CYB5R2: variants seen among roughly 807,000 people sequenced by gnomAD.
CYB5R2 encodes NADH-cytochrome b5 reductase 2.
A neutral mutation model predicts 29.8 loss-of-function variants in CYB5R2; 35 were observed. That is an observed-to-expected ratio of 1.17 (90% CI 0.90 to 1.56). The LOEUF (loss-of-function observed/expected upper bound fraction) is 1.56. CYB5R2 is among the 40% of genes most tolerant of loss of function. CYB5R2 has a pLI of 0.00. For synonymous variants in CYB5R2, 169 were observed against 130.6 expected (o/e 1.29, Z -2.01); for missense variants, 419 against 346.7 (o/e 1.21, Z -1.66).
intron 1 of CYB5R2, 154 bp from the exon 2 acceptor site, chr11:7,673,045 G>C: frequency 1.4e-6 from 1 of 717,422 alleles, no homozygotes; most frequent in Non-Finnish European, 2.2e-6. Context: ...CACAGAAGGC[G>C]GCTGGGAGAG....
chr11:7,671,256 G>A (rs559193278), intron 3 of CYB5R2: 1 of 152,400 alleles, frequency 6.6e-6, no homozygotes, highest in South Asian at 2.1e-4. Flanking sequence ...CTGGCCTGAG[G>A]GTGTCCCCAG....
chr11:7,674,101 C>G (rs939175078), upstream of CYB5R2: 7 of 1,204,370 alleles, frequency 5.8e-6, no homozygotes, highest in African/African-American at 1.1e-4. Flanking sequence ...ACTGAGCGCC[C>G]CTCAGCTTAC....
chr11:7,668,387 C>T lies in CYB5R2; in HGVS notation c.472+91G>A, dbSNP rs931280639. 17 of 1,017,894 alleles carry T rather than the reference C, an allele frequency of 1.7e-5. No homozygotes were observed. The Admixed American group carries it at 2.0e-4, about 12-fold the overall frequency. The allele number at this position is 1,017,894 out of a possible 1,614,324, so 63.1% of individuals were successfully genotyped here. ...CCTTCTACAGCTGGAGGCGAAATCT[C>T]TCATGTTGTCCCTTAGAGGATCAAA... On this transcript the variant is annotated intron_variant, in intron 6 of 8. Transcript: ENST00000299498.
intron 5 of CYB5R2, 179 bp from the exon 6 acceptor site, chr11:7,668,740 A>G: frequency 1.6e-6 from 1 of 643,274 alleles, no homozygotes; most frequent in Admixed American, 2.4e-5. Context: ...GCTCCAGTGC[A>G]CAAAGTGGGA....
At position 7,665,305 on chromosome 11, in the gene CYB5R2, G is replaced by C. The variant is rs193006000; in HGVS notation, c.*69C>G. 7.7e-7 allele frequency: 1 copy of C among 1,291,460 alleles called. No homozygotes were observed. The highest frequency in any genetic ancestry group is 1.5e-5 in the African/African-American group (1 of 67,280). 80.0% of individuals were successfully genotyped at this position (1,291,460 alleles called of 1,614,324 possible). A position where few individuals can be genotyped will look rare whatever the true frequency, so the allele number is the denominator to read the frequency against. On this transcript the variant is annotated 3_prime_UTR_variant, in exon 9 of 9. Transcript: ENST00000299498. ...ACTTTTGAAAACATCCCAGTTTACCGTGGTGAAATTGAACTTACTCTGAAA... is the reference window on the plus strand; with the variant it reads ...ACTTTTGAAAACATCCCAGTTTACCCTGGTGAAATTGAACTTACTCTGAAA...
At chr11:7,669,027 A>G in intron 5 of CYB5R2, 178 bp downstream of exon 5, 1 of 794,260 alleles carries the variant, frequency 1.3e-6, no homozygotes, top group Non-Finnish European at 2.2e-6. Flanking sequence ...AAAGCTGACA[A>G]CCTCATGAAG....
In CYB5R2 at chr11:7,669,616, A is replaced by C. The variant is rs762837259; in HGVS notation, c.258+9T>G. 6.4e-7 allele frequency: 1 copy of C among 1,572,302 alleles called. No homozygotes were observed. Among genetic ancestry groups the C allele is most frequent in the Admixed American group, 1.8e-5 (1 of 54,568 alleles). Reference sequence around the variant, plus strand: ...CACGAGCTAGCCAGATATGGTGGGCACTATTTACCTTTATAATTAGGTCCA... The same window carrying C: ...CACGAGCTAGCCAGATATGGTGGGCCCTATTTACCTTTATAATTAGGTCCA... On this transcript the variant is annotated intron_variant, in intron 4 of 8. Coordinates refer to ENST00000299498, the MANE Select transcript of CYB5R2 (RefSeq NM_016229.5).
At chr11:7,666,144 A>G (rs567913661) in intron 8 of CYB5R2, 5 of 603,700 alleles carry the variant, frequency 8.3e-6, no homozygotes, top group East Asian at 2.8e-5. Context: ...TTAGATGTGT[A>G]TGTGATGGCT....
At chr11:7,671,124 G>A (rs890592371) in intron 3 of CYB5R2, 1 of 152,280 alleles carries the variant, frequency 6.6e-6, no homozygotes, top group African/African-American at 2.4e-5. Context: ...CAGGCTCAAT[G>A]ACTCTGGTCA....
chr11:7,672,959 C>T (rs1206349247), intron 1 of CYB5R2, 68 bp from the exon 2 acceptor site: 2 of 1,455,284 alleles, frequency 1.4e-6, no homozygotes, highest in African/African-American at 2.8e-5. Flanking sequence ...CTCTCAGGCG[C>T]AGAACACCCT....
Position 7,669,333 on chromosome 11 carries a change from A to G in CYB5R2, c.260T>C (p.Ile87Thr), listed in dbSNP as rs1190950616. The G allele has an allele frequency of 6.2e-7, 1 of 1,609,566 alleles. No homozygotes were observed. Among genetic ancestry groups the G allele is most frequent in the Non-Finnish European group, 8.5e-7 (1 of 1,177,446 alleles). Residue 87 changes from isoleucine to threonine, a missense_variant and splice_region_variant, in exon 5 of 9, where the codon ATC becomes ACC. Transcript: ENST00000299498. ...DRGFVDLIIKIYFKNVHPQYP... is the reference protein window; with the variant it reads ...DRGFVDLIIKTYFKNVHPQYP... ...TTGGGGGTGTACATTTTTGAAGTAG[A>G]TCTGAAAAGCAAGGCAGCACTGCTT...
chr11:7,665,756 G>A, intron 8 of CYB5R2: 1 of 1,357,086 alleles, frequency 7.4e-7, no homozygotes, highest in Non-Finnish European at 1.0e-6. Context: ...CTCACTGCAG[G>A]GACCCTGAAG....
In CYB5R2 at chr11:7,669,290, C is replaced by T. The variant is rs745507305; in HGVS notation, c.303G>A (p.Lys101=). 1.9e-6 allele frequency: 3 copies of T among 1,614,160 alleles called. No homozygotes were observed. The change falls in exon 5 of 9, where the codon AAG becomes AAA. Residue 101 remains lysine, a synonymous_variant. Transcript: ENST00000299498. ...TCATGTTCTCCAAATACTGAGTCAT[C>T]TTCCCACCTTCAGGATATTGGGGGT... The part of the protein sequence containing the change: ...NVHPQYPEGG[K]MTQYLENMKI...
intron 6 of CYB5R2, 119 bp downstream of exon 6, chr11:7,668,359 C>T (rs1426254617): frequency 1.2e-6 from 1 of 828,492 alleles, no homozygotes; most frequent in Non-Finnish European, 2.1e-6. Flanking sequence ...TTCATCGTTC[C>T]CACCTTCTAC....
rs181352694 is a variant in CYB5R2 at position 7,673,404 on chromosome 11, C to G, written c.-67+15G>C. Reference sequence around the variant, plus strand: ...ACTGCCAGAGACTCGGGAGCCTCCCCGCATCTGTCCCTACCCTACAAGGCC... The same window carrying G: ...ACTGCCAGAGACTCGGGAGCCTCCCGGCATCTGTCCCTACCCTACAAGGCC... On this transcript the variant is annotated intron_variant, in intron 1 of 8. Transcript: ENST00000299498. The G allele has an allele frequency of 5.0e-4, 499 of 997,348 alleles. 4 individuals carry two copies. In the African/African-American group the frequency reaches 8.0e-3, roughly 16 times the overall value. 61.8% of individuals were successfully genotyped at this position (997,348 alleles called of 1,614,324 possible).
intron 3 of CYB5R2, chr11:7,670,987 G>T (rs542409533): frequency 2.0e-5 from 3 of 152,690 alleles, no homozygotes; most frequent in East Asian, 3.9e-4. Context: ...AAGACCTAAG[G>T]TGCAGGGAGG....
intron 4 of CYB5R2, 89 bp from the exon 5 acceptor site, chr11:7,669,423 T>A (rs902512918): frequency 6.7e-7 from 1 of 1,483,010 alleles, no homozygotes; most frequent in Non-Finnish European, 9.1e-7. Context: ...GCTGGAAGCT[T>A]TGCAGAGAAA....
intron 1 of CYB5R2, 105 bp downstream of exon 1, chr11:7,673,314 G>T: frequency 1.0e-6 from 1 of 978,668 alleles, no homozygotes; most frequent in Non-Finnish European, 1.2e-6. Flanking sequence ...GAGGTGCCCC[G>T]TGACTTAGGG....
At position 7,669,284 on chromosome 11, in the gene CYB5R2, A is replaced by G. The variant is rs372890518; in HGVS notation, c.309T>C (p.Thr103=). 4 of 1,614,024 alleles carry G rather than the reference A, an allele frequency of 2.5e-6. No individual in the cohort carries two copies. The highest frequency in any genetic ancestry group is 1.1e-5 in the South Asian group (1 of 91,084). The change falls in exon 5 of 9, where the codon ACT becomes ACC. Residue 103 remains threonine, a synonymous_variant. Coordinates refer to ENST00000299498, the MANE Select transcript of CYB5R2 (RefSeq NM_016229.5). ...HPQYPEGGKM[T]QYLENMKIGE... ...CGATTTTCATGTTCTCCAAATACTG[A>G]GTCATCTTCCCACCTTCAGGATATT... is the stretch of plus-strand genomic sequence containing the variant.
Sources: gnomAD v4.1 joint callset for allele counts on GRCh38, gnomAD v4.1.1 for gene constraint, MANE v1.5 for transcripts, NCBI Gene and HGNC (gene_info 2026-07-23, HGNC 2026-07-21) for gene names.